CALN1: variants seen among roughly 807,000 people sequenced by gnomAD.
The protein encoded by CALN1 is calcium-binding protein 8.
In CALN1, 17 loss-of-function variants were observed where a neutral mutation model predicts 30.6. The observed-to-expected ratio is 0.56, with a 90% CI of 0.38 to 0.83. CALN1 has a LOEUF of 0.83. Among genes scored for constraint, CALN1 ranks in the 40% least tolerant of loss-of-function variants. CALN1 has a pLI of 0.00. For synonymous variants in CALN1, 156 were observed against 131.4 expected (o/e 1.19, Z -1.28); for missense variants, 291 against 354.9 (o/e 0.82, Z 1.45).
chr7:72,285,822 C>CT (rs1798045990), intron 2 of CALN1, among the ~76,000 whole-genome samples: 1 of 152,212 alleles, frequency 6.6e-6, no homozygotes, highest in South Asian at 2.1e-4. Flanking sequence ...CCTGAGCTCT[C>CT]TATAGAGTGC....
At chr7:72,070,355 T>A (rs1052393394) in intron 4 of CALN1, among the ~76,000 whole-genome samples, 2 of 152,138 alleles carry the variant, frequency 1.3e-5, no homozygotes, top group African/African-American at 4.8e-5. Context: ...ATATATGAGG[T>A]ATGTCCTGAG....
At chr7:71,889,605 G>C (rs979156443) in intron 5 of CALN1, among the ~76,000 whole-genome samples, 4 of 152,044 alleles carry the variant, frequency 2.6e-5, no homozygotes, top group African/African-American at 9.7e-5. Context: ...TATGAATAAG[G>C]GGGGACACGG....
intron 3 of CALN1, among the ~76,000 whole-genome samples, chr7:72,278,008 C>CGGT (rs199969336): frequency 6.1e-5 from 3 of 49,108 alleles, no homozygotes; most frequent in South Asian, 1.0e-3. Flanking sequence ...TCCTCTATTC[C>CGGT]GGGGGGGGGG....
At chr7:72,141,080 A>AAGG (rs1407359324) in intron 3 of CALN1, among the ~76,000 whole-genome samples, 1 of 152,210 alleles carries the variant, frequency 6.6e-6, no homozygotes, top group Non-Finnish European at 1.5e-5. Context: ...ACCCAAGGCC[A>AAGG]AGGTCACTGG....
intron 3 of CALN1, among the ~76,000 whole-genome samples, chr7:72,127,318 G>A (rs981140124): frequency 6.6e-6 from 1 of 152,142 alleles, no homozygotes; most frequent in African/African-American, 2.4e-5. Flanking sequence ...TTGGGGTGGA[G>A]TGAGTCAGGC....
chr7:72,372,231 G>A (rs1316420536), intron 2 of CALN1, among the ~76,000 whole-genome samples: 1 of 152,116 alleles, frequency 6.6e-6, no homozygotes, highest in African/African-American at 2.4e-5. Context: ...AGCAGTCATG[G>A]TGGTGGGGAC....
At chr7:71,962,157 C>G (rs936314623) in intron 5 of CALN1, among the ~76,000 whole-genome samples, 4 of 151,836 alleles carry the variant, frequency 2.6e-5, no homozygotes, top group Non-Finnish European at 5.9e-5. Flanking sequence ...TTTTGAGAGG[C>G]CAAGGCTGGA....
intron 3 of CALN1, among the ~76,000 whole-genome samples, chr7:72,274,874 A>G (rs1318821628): frequency 6.6e-6 from 1 of 152,144 alleles, no homozygotes; most frequent in Non-Finnish European, 1.5e-5. Flanking sequence ...ATCATTTTGA[A>G]GCAGCTTTGC....
intron 3 of CALN1, among the ~76,000 whole-genome samples, chr7:72,174,925 A>AT (rs1198308167): frequency 5.6e-5 from 4 of 71,282 alleles, no homozygotes; most frequent in African/African-American, 2.2e-4. Flanking sequence ...CAATATAATC[A>AT]ATTTTTTTTT....
At chr7:71,826,296 T>C (rs1355642182) in intron 5 of CALN1, among the ~76,000 whole-genome samples, 2 of 151,984 alleles carry the variant, frequency 1.3e-5, no homozygotes, top group Non-Finnish European at 2.9e-5. Flanking sequence ...TAGAAAAAGA[T>C]GAAAATGCCC....
the CALN1 span, among the ~76,000 whole-genome samples, chr7:72,463,073 G>A: frequency 2.0e-5 from 3 of 152,176 alleles, no homozygotes; most frequent in Non-Finnish European, 2.9e-5. Flanking sequence ...CATTTTTCAG[G>A]TGTGGACACT....
chr7:72,340,628 G>A (rs1442914517), intron 2 of CALN1, among the ~76,000 whole-genome samples: 1 of 152,156 alleles, frequency 6.6e-6, no homozygotes, highest in East Asian at 1.9e-4. Context: ...GAGCAGCCCA[G>A]TGACATGCTT....
At chr7:72,379,768 C>G (rs1395264069) in intron 2 of CALN1, among the ~76,000 whole-genome samples, 1 of 152,194 alleles carries the variant, frequency 6.6e-6, no homozygotes, top group African/African-American at 2.4e-5. Context: ...CTAATCCATC[C>G]ATCCACCCCT....
intron 5 of CALN1, among the ~76,000 whole-genome samples, chr7:71,898,018 G>GAGA (rs1554372166): frequency 8.6e-5 from 7 of 80,934 alleles, no homozygotes; most frequent in Non-Finnish European, 1.6e-4. Flanking sequence ...GGAGGGGGGG[G>GAGA]GAGAGAGAGA....
intron 3 of CALN1, among the ~76,000 whole-genome samples, chr7:72,158,185 C>A (rs553222521): frequency 6.6e-6 from 1 of 152,276 alleles, no homozygotes; most frequent in Non-Finnish European, 1.5e-5. Flanking sequence ...CAGACAAGGT[C>A]TCTTCCGTCA....
chr7:72,337,308 C>G (rs1802131361), intron 2 of CALN1: 2 of 984,954 alleles, frequency 2.0e-6, no homozygotes, highest in Non-Finnish European at 2.4e-6. Flanking sequence ...GCCCCAGCTC[C>G]TCCGAGGGTC....
intron 5 of CALN1, among the ~76,000 whole-genome samples, chr7:71,962,233 A>G (rs1295969534): frequency 6.6e-6 from 1 of 151,848 alleles, no homozygotes; most frequent in Non-Finnish European, 1.5e-5. Context: ...TCTCTAAAAA[A>G]AAAAAAAAAA....
At chr7:72,254,495 G>A (rs563181408) in intron 3 of CALN1, among the ~76,000 whole-genome samples, 2 of 152,018 alleles carry the variant, frequency 1.3e-5, no homozygotes, top group South Asian at 2.1e-4. Flanking sequence ...TAGCTATCTC[G>A]AGCACACACA....
chr7:72,338,525 G>C (rs12665891), intron 2 of CALN1, among the ~76,000 whole-genome samples: 4,229 of 122,276 alleles, frequency 0.035, 251 homozygotes, highest in African/African-American at 0.066. Flanking sequence ...GTGTGTGTGT[G>C]TGTCTCACCT....
Sources: allele counts gnomAD v4.1 joint callset (sites outside exome capture counted in the v4.1 genomes callset), GRCh38; gene constraint gnomAD v4.1.1; transcripts MANE v1.5; gene names NCBI Gene and HGNC (gene_info 2026-07-23, HGNC 2026-07-21).